The following CEP128 variants were observed in gnomAD, a reference collection of about 807,000 sequenced individuals.
CEP128 encodes the protein centrosomal protein 128.
In CEP128, 132 loss-of-function variants were observed where a neutral mutation model predicts 156.7. That is an observed-to-expected ratio of 0.84 (90% CI 0.73 to 0.97). The LOEUF is 0.97. Among genes scored for constraint, CEP128 ranks in the 50% least tolerant of loss-of-function variants. The pLI, the probability that CEP128 is intolerant of heterozygous loss-of-function variation, is 0.00. For synonymous variants in CEP128, 469 were observed against 448.9 expected (o/e 1.04, Z -0.57); for missense variants, 1,252 against 1,281.9 (o/e 0.98, Z 0.36).
At chr14:80,769,268 T>A (rs1473034305) in intron 16 of CEP128, among the ~76,000 whole-genome samples, 2 of 152,118 alleles carry the variant, frequency 1.3e-5, no homozygotes, top group African/African-American at 4.8e-5. Flanking sequence ...TACTGAATTT[T>A]ATTCTGAGTT....
chr14:80,777,937 T>A lies in CEP128; in HGVS notation c.2321A>T (p.Glu774Val). ...LTEELTQNEN[E>V]NKKLKLKYQC... The stretch of plus-strand genomic sequence containing the variant: ...ATATTTTAGCTTCAGTTTTTTGTTC[T>A]CATTTTCATTCTGGGTTAATTCCTC... The change falls in exon 16 of 25, where the codon GAG becomes GTG. Residue 774 changes from glutamate to valine, a missense_variant. Coordinates refer to ENST00000555265, the MANE Select transcript of CEP128 (RefSeq NM_152446.5). 2.5e-6 allele frequency: 4 copies of A among 1,612,818 alleles called. No homozygotes were observed. Among genetic ancestry groups the A allele is most frequent in the Non-Finnish European group, 2.5e-6 (3 of 1,179,148 alleles).
intron 21 of CEP128, among the ~76,000 whole-genome samples, chr14:80,540,316 G>T (rs1405259247): frequency 6.6e-6 from 1 of 151,092 alleles, no homozygotes; most frequent in Non-Finnish European, 1.5e-5. Context: ...TTCTCTCTTT[G>T]TACTGTCTCT....
chr14:80,527,650 T>C (rs375849510), intron 22 of CEP128, among the ~76,000 whole-genome samples: 46 of 152,316 alleles, frequency 3.0e-4, no homozygotes, highest in African/African-American at 1.1e-3. Flanking sequence ...CTGTGTACTA[T>C]CACTTGCATT....
At chr14:80,693,829 G>T (rs1027879331) in intron 19 of CEP128, among the ~76,000 whole-genome samples, 4 of 152,100 alleles carry the variant, frequency 2.6e-5, no homozygotes, top group Admixed American at 6.6e-5. Context: ...TTGAAACTTA[G>T]GTTTGCCTTG....
rs562038831 is a variant in CEP128, at chr14:80,776,280, C to A, written c.2376+1602G>T. On this transcript the variant is annotated intron_variant, in intron 16 of 24. Coordinates refer to ENST00000555265, the MANE Select transcript of CEP128 (RefSeq NM_152446.5). Reference sequence around the variant, plus strand: ...AAAAAGTTGAAAAATTTAGCATTATCACCAGAACTACAACCTGCCAATAGA... The same window carrying A: ...AAAAAGTTGAAAAATTTAGCATTATAACCAGAACTACAACCTGCCAATAGA... 2.6e-5 allele frequency among the ~76,000 whole-genome samples: 4 copies of A among 152,000 alleles called. No individual in the cohort carries two copies. The South Asian group carries it at 8.3e-4, about 31-fold the overall frequency.
chr14:80,912,792 G>A (rs573152577), intron 4 of CEP128, among the ~76,000 whole-genome samples: 13 of 151,774 alleles, frequency 8.6e-5, no homozygotes, highest in African/African-American at 2.2e-4. Flanking sequence ...ATAACAAGCC[G>A]TCAATTACAA....
At chr14:80,684,652 A>G (rs1896455081) in intron 19 of CEP128, among the ~76,000 whole-genome samples, 1 of 151,846 alleles carries the variant, frequency 6.6e-6, no homozygotes, top group South Asian at 2.1e-4. Context: ...AACAAAAAAC[A>G]TAACTGCAAG....
intron 2 of CEP128, among the ~76,000 whole-genome samples, chr14:80,925,203 T>G (rs1443258860): frequency 6.6e-6 from 1 of 151,562 alleles, no homozygotes. Flanking sequence ...TAAGGAAATA[T>G]TTGATAGTCA....
intron 2 of CEP128, among the ~76,000 whole-genome samples, chr14:80,950,708 A>T (rs1886444930): frequency 6.6e-6 from 1 of 152,194 alleles, no homozygotes; most frequent in African/African-American, 2.4e-5. Flanking sequence ...GAGGAAAGTG[A>T]TAAGGGGGAA....
intron 19 of CEP128, among the ~76,000 whole-genome samples, chr14:80,658,952 G>T (rs1566839536): frequency 6.6e-6 from 1 of 152,130 alleles, no homozygotes; most frequent in East Asian, 1.9e-4. Context: ...TGCAACTTTT[G>T]TTTCAATGTT....
chr14:80,735,579 C>G (rs1479176272), intron 19 of CEP128, among the ~76,000 whole-genome samples: 1 of 152,140 alleles, frequency 6.6e-6, no homozygotes, highest in Non-Finnish European at 1.5e-5. Flanking sequence ...TTACAGATCT[C>G]TAATTTCATT....
At chr14:80,479,027 C>G (rs1482035670) in intron 14 of CEP128, among the ~76,000 whole-genome samples, 1 of 152,100 alleles carries the variant, frequency 6.6e-6, no homozygotes, top group African/African-American at 2.4e-5. Flanking sequence ...CTGTGTGTGC[C>G]AGGTTCTGAG....
intron 19 of CEP128, among the ~76,000 whole-genome samples, chr14:80,678,023 C>G (rs1896136221): frequency 7.6e-6 from 1 of 131,590 alleles, no homozygotes; most frequent in Admixed American, 7.3e-5. Context: ...CTACTTTCAA[C>G]ATGGACAGTT....
At chr14:80,688,030 A>G (rs546471629) in intron 19 of CEP128, among the ~76,000 whole-genome samples, 384 of 152,162 alleles carry the variant, frequency 2.5e-3, no homozygotes, top group Non-Finnish European at 4.6e-3. Context: ...ATCTGGCTTG[A>G]CTTTTAACAG....
chr14:80,656,496 TA>T (rs1436616773), intron 19 of CEP128, among the ~76,000 whole-genome samples: 1 of 150,798 alleles, frequency 6.6e-6, no homozygotes, highest in Non-Finnish European at 1.5e-5. Context: ...TAAAAACAAT[TA>T]GGACTGAAAA....
chr14:80,671,551 T>C (rs954231571), intron 19 of CEP128, among the ~76,000 whole-genome samples: 4 of 152,190 alleles, frequency 2.6e-5, no homozygotes, highest in Admixed American at 2.6e-4. Flanking sequence ...CATAGACTCT[T>C]CTATTCTTTA....
intron 3 of CEP128, among the ~76,000 whole-genome samples, chr14:80,914,704 A>C (rs997916181): frequency 7.9e-5 from 12 of 152,198 alleles, no homozygotes; most frequent in African/African-American, 2.9e-4. Flanking sequence ...CATAATTTTC[A>C]ATTTGTGCCC....
At chr14:80,668,617 G>A (rs1251234788) in intron 19 of CEP128, among the ~76,000 whole-genome samples, 2 of 152,086 alleles carry the variant, frequency 1.3e-5, no homozygotes, top group African/African-American at 4.8e-5. Flanking sequence ...GAGAATAAAG[G>A]AAATGCTTGA....
intron 20 of CEP128, among the ~76,000 whole-genome samples, chr14:80,562,655 CT>C (rs1170778718): frequency 0.01 from 1,152 of 114,342 alleles, 8 homozygotes; most frequent in Middle Eastern, 0.043. Flanking sequence ...CTTTTCTTTT[CT>C]TTTTTTTTTT....
Sources: allele counts gnomAD v4.1 joint callset (sites outside exome capture counted in the v4.1 genomes callset), GRCh38; gene constraint gnomAD v4.1.1; transcripts MANE v1.5; gene names NCBI Gene and HGNC (gene_info 2026-07-23, HGNC 2026-07-21).